NKAIN3: variants seen among roughly 807,000 people sequenced by gnomAD.
The protein encoded by NKAIN3 is sodium/potassium-transporting ATPase subunit beta-1-interacting protein 3.
NKAIN3 carries 25 observed loss-of-function variants against 30.2 expected under a neutral mutation model. The observed-to-expected ratio is 0.83, with a 90% CI of 0.60 to 1.16. The LOEUF is 1.16. NKAIN3 is among the 50% of genes most tolerant of loss of function. The probability of loss-of-function intolerance (pLI) is 0.00; values close to 1 mark genes in which losing one functional copy is unlikely to be tolerated. For missense variants in NKAIN3, 225 were observed against 254.1 expected, an observed-to-expected ratio of 0.89 and a Z score of 0.78; for synonymous variants, 91 against 89.6, an observed-to-expected ratio of 1.02 and a Z score of -0.09.
At chr8:62,937,591 G>A (rs1477005171) in intron 5 of NKAIN3, among the ~76,000 whole-genome samples, 3 of 152,060 alleles carry the variant, frequency 2.0e-5, no homozygotes, top group Non-Finnish European at 4.4e-5. Flanking sequence ...CTTGGGGAGG[G>A]CTGCCAGCGG....
intron 1 of NKAIN3, among the ~76,000 whole-genome samples, chr8:62,292,033 G>C (rs906083865): frequency 1.3e-5 from 2 of 152,008 alleles, no homozygotes; most frequent in Non-Finnish European, 1.5e-5. Context: ...TTTAAAGTCT[G>C]TTTTATCAGA....
intron 5 of NKAIN3, among the ~76,000 whole-genome samples, chr8:62,945,693 T>C (rs967545057): frequency 6.6e-6 from 1 of 152,194 alleles, no homozygotes; most frequent in Admixed American, 6.6e-5. Context: ...TACATTCACT[T>C]GGGGCACACC....
rs751642606 is a variant in NKAIN3, at chr8:62,584,869, C to G, written c.193-4845C>G. Among the ~76,000 whole-genome samples, 40 of 152,168 alleles carry G rather than the reference C, an allele frequency of 2.6e-4. 1 individual carries two copies. The highest frequency in any genetic ancestry group is 7.3e-5 in the Non-Finnish European group (5 of 68,034). Reference sequence around the variant, plus strand: ...TCATTGCTTCGCTACCTGTCTTGCCCCATTCAACAATGTGTACTTCTGGAA... The same window carrying G: ...TCATTGCTTCGCTACCTGTCTTGCCGCATTCAACAATGTGTACTTCTGGAA... On this transcript the variant is annotated intron_variant, in intron 2 of 6. Transcript: ENST00000623646.
intron 1 of NKAIN3, among the ~76,000 whole-genome samples, chr8:62,500,307 G>T (rs982190814): frequency 2.6e-5 from 4 of 151,944 alleles, no homozygotes; most frequent in African/African-American, 9.7e-5. Flanking sequence ...TTGGCAGTTG[G>T]AAGTTTTAGA....
At chr8:62,517,734 T>A (rs1330857179) in intron 1 of NKAIN3, among the ~76,000 whole-genome samples, 9 of 152,116 alleles carry the variant, frequency 5.9e-5, no homozygotes, top group Admixed American at 5.9e-4. Flanking sequence ...CTTCCAGCAT[T>A]AGCATATTGT....
intron 3 of NKAIN3, among the ~76,000 whole-genome samples, chr8:62,641,246 T>C (rs1381982731): frequency 6.6e-6 from 1 of 152,162 alleles, no homozygotes; most frequent in Non-Finnish European, 1.5e-5. Context: ...TATGTAATTG[T>C]GCTAACAGAA....
At chr8:62,663,848 A>G (rs573830655) in intron 3 of NKAIN3, among the ~76,000 whole-genome samples, 1 of 152,300 alleles carries the variant, frequency 6.6e-6, no homozygotes, top group South Asian at 2.1e-4. Context: ...TGCCCAGATG[A>G]TCCTCCATGA....
intron 4 of NKAIN3, among the ~76,000 whole-genome samples, chr8:62,797,940 G>C (rs1016700450): frequency 1.2e-4 from 19 of 152,144 alleles, no homozygotes; most frequent in South Asian, 2.1e-4. Flanking sequence ...TTAATGAACT[G>C]CCAGATGCTA....
chr8:62,479,818 T>G (rs1806655940), intron 1 of NKAIN3, among the ~76,000 whole-genome samples: 1 of 152,136 alleles, frequency 6.6e-6, no homozygotes, highest in Non-Finnish European at 1.5e-5. Flanking sequence ...ATATGTTATT[T>G]TACAAGCTCC....
chr8:62,589,110 A>G (rs1810572820), intron 2 of NKAIN3, among the ~76,000 whole-genome samples: 1 of 151,992 alleles, frequency 6.6e-6, no homozygotes, highest in Middle Eastern at 3.4e-3. Context: ...TGATTGGAAG[A>G]TATGAAAATC....
intron 1 of NKAIN3, among the ~76,000 whole-genome samples, chr8:62,320,399 C>T (rs549308862): frequency 2.6e-5 from 4 of 152,112 alleles, no homozygotes; most frequent in African/African-American, 7.2e-5. Flanking sequence ...TTATTTTGCT[C>T]GTTAGTTGAT....
intron 5 of NKAIN3, among the ~76,000 whole-genome samples, chr8:62,925,755 G>T (rs1822418857): frequency 6.6e-6 from 1 of 152,158 alleles, no homozygotes; most frequent in Non-Finnish European, 1.5e-5. Context: ...ATTTCAACGT[G>T]TGATCAGGCA....
intron 4 of NKAIN3, among the ~76,000 whole-genome samples, chr8:62,807,424 A>G (rs1281379370): frequency 1.3e-5 from 2 of 151,352 alleles, no homozygotes; most frequent in Non-Finnish European, 2.9e-5. Flanking sequence ...TATATTTTTC[A>G]CTCATTATCA....
chr8:62,388,809 T>C (rs1375771398), intron 1 of NKAIN3, among the ~76,000 whole-genome samples: 2 of 152,118 alleles, frequency 1.3e-5, no homozygotes, highest in Non-Finnish European at 2.9e-5. Context: ...TGCTGTTGAG[T>C]GTAAGGTGCA....
At chr8:62,600,451 C>A (rs1219941164) in intron 3 of NKAIN3, among the ~76,000 whole-genome samples, 1 of 151,968 alleles carries the variant, frequency 6.6e-6, no homozygotes, top group Non-Finnish European at 1.5e-5. Context: ...TTTAACCCTA[C>A]CTCAGAGGTA....
At chr8:62,832,184 T>G (rs1325267800) in intron 4 of NKAIN3, among the ~76,000 whole-genome samples, 1 of 150,894 alleles carries the variant, frequency 6.6e-6, no homozygotes, top group East Asian at 2.0e-4. Context: ...CATTATCACT[T>G]TACCAGCATT....
At chr8:62,299,180 GTTCT>G (rs1563924492) in intron 1 of NKAIN3, among the ~76,000 whole-genome samples, 1 of 151,952 alleles carries the variant, frequency 6.6e-6, no homozygotes, top group East Asian at 1.9e-4. Context: ...AAAATTTGTT[GTTCT>G]ATCATTTTTT....
chr8:62,426,877 G>A (rs1000021137), intron 1 of NKAIN3, among the ~76,000 whole-genome samples: 1 of 151,878 alleles, frequency 6.6e-6, no homozygotes, highest in African/African-American at 2.4e-5. Context: ...AAGAAATTAT[G>A]TGCTACCCAC....
chr8:62,967,024 T>C lies in NKAIN3; in HGVS notation c.*1617T>C, dbSNP rs1823730679. Among the ~76,000 whole-genome samples the C allele has an allele frequency of 6.6e-6, 1 of 152,224 alleles. No homozygotes were observed. Among genetic ancestry groups the C allele is most frequent in the Admixed American group, 6.5e-5 (1 of 15,276 alleles). On this transcript the variant is annotated 3_prime_UTR_variant, in exon 7 of 7. Coordinates refer to ENST00000623646, the MANE Select transcript of NKAIN3 (RefSeq NM_001304533.3). ...CCATTTGGAGACCTAATTTACTCACTAGCCTCCAGATTTTACCCCTTTAAT... is the reference window on the plus strand; with the variant it reads ...CCATTTGGAGACCTAATTTACTCACCAGCCTCCAGATTTTACCCCTTTAAT...
Sources: gnomAD v4.1 joint callset for allele counts (sites outside exome capture counted in the v4.1 genomes callset) on GRCh38, gnomAD v4.1.1 for gene constraint, MANE v1.5 for transcripts, NCBI Gene and HGNC (gene_info 2026-07-23, HGNC 2026-07-21) for gene names.